Variants in MAPK4 observed in about 807,000 individuals in gnomAD.
MAPK4 encodes Erk3-related.
In MAPK4, 22 loss-of-function variants were observed where a neutral mutation model predicts 47.7. That is an observed-to-expected ratio of 0.46 (90% CI 0.33 to 0.66). The LOEUF is 0.66. MAPK4 is among the 30% of genes least tolerant of loss of function. The pLI, the probability that MAPK4 is intolerant of heterozygous loss-of-function variation, is 0.02. For synonymous variants in MAPK4, 390 were observed against 365.7 expected (o/e 1.07, Z -0.76); for missense variants, 736 against 831.7 (o/e 0.88, Z 1.42).
chr18:50,633,250 A>C (rs1260113764), intron 1 of MAPK4, among the ~76,000 whole-genome samples: 1 of 152,200 alleles, frequency 6.6e-6, no homozygotes, highest in Admixed American at 6.5e-5. Flanking sequence ...GCACTGGGGA[A>C]TCCCTTTTGC....
At chr18:50,566,445 C>T (rs146544318) in intron 1 of MAPK4, among the ~76,000 whole-genome samples, 10 of 152,282 alleles carry the variant, frequency 6.6e-5, no homozygotes, top group East Asian at 3.9e-4. Flanking sequence ...GGGAGGCTGG[C>T]GCAAGGAGCC....
intron 1 of MAPK4, among the ~76,000 whole-genome samples, chr18:50,590,044 C>A (rs1051213451): frequency 6.6e-6 from 1 of 152,192 alleles, no homozygotes; most frequent in African/African-American, 2.4e-5. Flanking sequence ...AAACTGAAGT[C>A]CAGGATGTTA....
chr18:50,658,249 T>C (rs1373700223), intron 1 of MAPK4, among the ~76,000 whole-genome samples: 1 of 152,202 alleles, frequency 6.6e-6, no homozygotes, highest in Admixed American at 6.5e-5. Flanking sequence ...ATTTGAGACA[T>C]ACCACAAGGT....
chr18:50,622,057 G>T (rs2042737138), intron 1 of MAPK4, among the ~76,000 whole-genome samples: 1 of 152,200 alleles, frequency 6.6e-6, no homozygotes, highest in South Asian at 2.1e-4. Context: ...TGTGATCTCA[G>T]TAGACTTTAT....
rs1363099039 is a variant in MAPK4, at chr18:50,729,582, AAGAGCACGCAGGGCGGCCC to A, written c.1502_1520del (p.Gln501ProfsTer41). 5 of 1,416,784 alleles carry A rather than the reference AAGAGCACGCAGGGCGGCCC, an allele frequency of 3.5e-6. No individual in the cohort carries two copies. The highest frequency in any genetic ancestry group is 4.6e-6 in the Non-Finnish European group (5 of 1,086,174). The allele number at this position is 1,416,784 out of a possible 1,614,324, so 87.8% of individuals were successfully genotyped here. A position where few individuals can be genotyped will look rare whatever the true frequency, so the allele number is the denominator to read the frequency against. ...CTTCCTGGAGATCGCGCAGTGGGTCAAGAGCACGCAGGGCGGCCCAGAGCACGCCAGCCCGCCCGCCGAC... is the reference window on the plus strand; with the variant it reads ...CTTCCTGGAGATCGCGCAGTGGGTCAAGAGCACGCCAGCCCGCCCGCCGAC... On this transcript the variant is annotated frameshift_variant, in exon 6 of 6. Transcript: ENST00000400384. LOFTEE classifies it high-confidence loss of function.
intron 1 of MAPK4, among the ~76,000 whole-genome samples, chr18:50,616,525 T>A (rs1215823240): frequency 6.6e-6 from 1 of 152,290 alleles, no homozygotes; most frequent in Non-Finnish European, 1.5e-5. Flanking sequence ...GAGTATTGAC[T>A]CACACGATCA....
At chr18:50,721,123 G>C (rs777092975) in intron 3 of MAPK4, among the ~76,000 whole-genome samples, 1 of 152,226 alleles carries the variant, frequency 6.6e-6, no homozygotes, top group Admixed American at 6.5e-5. Flanking sequence ...CTGGAGGTCA[G>C]AGAAGGACAG....
At chr18:50,667,792 C>G (rs1355463039) in intron 2 of MAPK4, among the ~76,000 whole-genome samples, 1 of 152,190 alleles carries the variant, frequency 6.6e-6, no homozygotes, top group Admixed American at 6.5e-5. Flanking sequence ...ACCTCAAAAC[C>G]TTGGGGATTT....
intron 1 of MAPK4, among the ~76,000 whole-genome samples, chr18:50,650,462 G>C (rs1235041599): frequency 1.3e-5 from 2 of 152,172 alleles, no homozygotes; most frequent in Admixed American, 1.3e-4. Context: ...ATGCATGTGG[G>C]CATGAGACTG....
intron 3 of MAPK4, 22 bp downstream of exon 3, chr18:50,715,245 C>T (rs2144438619): frequency 6.2e-7 from 1 of 1,607,632 alleles, no homozygotes; most frequent in South Asian, 1.1e-5. Context: ...ACTATGCCAC[C>T]TTCCTTCTCA....
At chr18:50,717,075 C>A (rs1032279673) in intron 3 of MAPK4, among the ~76,000 whole-genome samples, 1 of 152,190 alleles carries the variant, frequency 6.6e-6, no homozygotes, top group Admixed American at 6.5e-5. Context: ...ATTGGTCCCA[C>A]ATCATTCTGG....
chr18:50,577,705 T>C (rs2042310006), intron 1 of MAPK4, among the ~76,000 whole-genome samples: 2 of 152,206 alleles, frequency 1.3e-5, no homozygotes, highest in African/African-American at 2.4e-5. Context: ...TCTGGTTCTT[T>C]GGACATTTCC....
At chr18:50,652,443 T>TGG (rs1267738094) in intron 1 of MAPK4, among the ~76,000 whole-genome samples, 5 of 152,068 alleles carry the variant, frequency 3.3e-5, no homozygotes, top group African/African-American at 1.2e-4. Flanking sequence ...CAGGCTGGGC[T>TGG]GGGTGGAAGG....
intron 1 of MAPK4, among the ~76,000 whole-genome samples, chr18:50,568,273 C>G (rs1040579931): frequency 2.6e-5 from 4 of 152,126 alleles, no homozygotes; most frequent in South Asian, 2.1e-4. Flanking sequence ...TCTTCAGTTC[C>G]ATGTTTCAGG....
At chr18:50,589,471 C>CT (rs2042416762) in intron 1 of MAPK4, among the ~76,000 whole-genome samples, 3 of 152,086 alleles carry the variant, frequency 2.0e-5, no homozygotes, top group Non-Finnish European at 2.9e-5. Context: ...TGGCGGGCGC[C>CT]TGTAGTCCCA....
chr18:50,699,444 T>G (rs971541365), intron 2 of MAPK4, among the ~76,000 whole-genome samples: 15 of 152,220 alleles, frequency 9.9e-5, no homozygotes, highest in African/African-American at 2.7e-4. Flanking sequence ...TAAATAAAAC[T>G]CAACCAAATT....
chr18:50,726,856 C>CAAAAAAA (rs60760704), intron 5 of MAPK4, among the ~76,000 whole-genome samples: 6 of 138,066 alleles, frequency 4.3e-5, no homozygotes, highest in Non-Finnish European at 9.6e-5. Context: ...GAGACCCTGT[C>CAAAAAAA]AAAAAAAAAA....
chr18:50,568,684 C>G (rs1261590247), intron 1 of MAPK4, among the ~76,000 whole-genome samples: 3 of 152,146 alleles, frequency 2.0e-5, no homozygotes, highest in African/African-American at 7.2e-5. Context: ...GTTAATTTTA[C>G]TATCTTAAAT....
At chr18:50,634,974 C>T (rs1253369521) in intron 1 of MAPK4, among the ~76,000 whole-genome samples, 4 of 152,176 alleles carry the variant, frequency 2.6e-5, no homozygotes, top group African/African-American at 9.7e-5. Flanking sequence ...GCGCTCCAGA[C>T]CAATCAACTG....
Sources: gnomAD v4.1 joint callset for allele counts (sites outside exome capture counted in the v4.1 genomes callset) on GRCh38, gnomAD v4.1.1 for gene constraint, MANE v1.5 for transcripts, NCBI Gene and HGNC (gene_info 2026-07-23, HGNC 2026-07-21) for gene names.